The following CREG1 variants were observed in gnomAD, a reference collection of about 807,000 sequenced individuals.
CREG1 encodes the protein protein CREG1.
In CREG1, 20 loss-of-function variants were observed where a neutral mutation model predicts 19.9. That is an observed-to-expected ratio of 1.01 (90% CI 0.71 to 1.46). The LOEUF (loss-of-function observed/expected upper bound fraction) is 1.46, where lower values mean the gene tolerates loss of function less well. CREG1 is among the 40% of genes most tolerant of loss of function. CREG1 has a pLI of 0.00. For missense variants in CREG1, 290 were observed against 314.9 expected (o/e 0.92, Z 0.60); for synonymous variants, 141 against 143.3 (o/e 0.98, Z 0.12).
chr1:167,553,252 C>T, intron 1 of CREG1, 136 bp downstream of exon 1: 1 of 685,352 alleles, frequency 1.5e-6, no homozygotes, highest in Non-Finnish European at 2.2e-6. Flanking sequence ...GCCCACCTAC[C>T]TGCCTGCGCG....
chr1:167,544,024 AC>A (rs1385718261), intron 3 of CREG1, among the ~76,000 whole-genome samples: 1 of 152,236 alleles, frequency 6.6e-6, no homozygotes, highest in African/African-American at 2.4e-5. Context: ...GTGAAAGTAA[AC>A]TTTAACTTCG....
chr1:167,553,666 C>T lies in CREG1; in HGVS notation c.76G>A (p.Val26Met), dbSNP rs1031093471. 1.3e-5 allele frequency: 18 copies of T among 1,339,934 alleles called. No homozygotes were observed. The highest frequency in any genetic ancestry group is 1.2e-4 in the Admixed American group (3 of 25,950). 83.0% of individuals were successfully genotyped at this position (1,339,934 alleles called of 1,614,324 possible). A position where few individuals can be genotyped will look rare whatever the true frequency, so the allele number is the denominator to read the frequency against. Residue 26 changes from valine to methionine, a missense_variant, in exon 1 of 4, where the codon GTG (valine) becomes ATG (methionine). Transcript: ENST00000370509. ...CCGCCGCGACCCCGCGCGGGCGACA[C>T]GAGCAGCGCCAACAGCGTCGACGCC... ...LLASTLLALL[V>M]SPARGRGGRD... is the part of the protein sequence containing the mutation.
chr1:167,552,942 T>C (rs865918544), intron 1 of CREG1, among the ~76,000 whole-genome samples: 1 of 150,784 alleles, frequency 6.6e-6, no homozygotes, highest in African/African-American at 2.4e-5. Context: ...AGCTACTCGG[T>C]AGGCTGAGGC....
chr1:167,546,868 A>G (rs1269764359), intron 2 of CREG1, among the ~76,000 whole-genome samples: 1 of 152,288 alleles, frequency 6.6e-6, no homozygotes, highest in East Asian at 1.9e-4. Context: ...AGCTATTAGA[A>G]TAACTAGCAC....
chr1:167,549,444 G>A (rs941029180), intron 1 of CREG1, among the ~76,000 whole-genome samples: 1 of 151,200 alleles, frequency 6.6e-6, no homozygotes, highest in African/African-American at 2.4e-5. Context: ...GAGTGCAGTG[G>A]TGCGATCTCA....
rs1656457602 is a variant in CREG1, at chr1:167,553,418, G to A, written c.324C>T (p.Ser108=). 5 of 1,459,408 alleles carry A rather than the reference G, an allele frequency of 3.4e-6. No individual in the cohort carries two copies. 90.4% of individuals were successfully genotyped at this position (1,459,408 alleles called of 1,614,324 possible). ...GGTTGCTCACGGAGAGCTGCAGCGG[G>A]CTCAGGTAGAAATAGGGCACGCCGC... is the stretch of plus-strand genomic sequence containing the variant. ...AGSGVPYFYL[S]PLQLSVSNLQ... Residue 108 remains serine (S), a synonymous_variant, in exon 1 of 4, where the codon AGC becomes AGT. Transcript: ENST00000370509.
In CREG1 at chr1:167,553,570, C is replaced by G. The variant is rs925106797; in HGVS notation, c.172G>C (p.Val58Leu). 2.6e-5 allele frequency: 38 copies of G among 1,447,064 alleles called. No individual in the cohort carries two copies. The highest frequency in any genetic ancestry group is 3.3e-5 in the Non-Finnish European group (36 of 1,105,152). The allele number at this position is 1,447,064 out of a possible 1,614,324, so 89.6% of individuals were successfully genotyped here. ...GAGACGTGCGTCACGAAGCGGGCCA[C>G]GCGCGCCGCGTCCTCGCGGGGTGGT... ...PLPPREDAAR[V>L]ARFVTHVSDW... The change falls in exon 1 of 4, where the codon GTG becomes CTG. Residue 58 changes from valine (V) to leucine (L), a missense_variant. Physicochemically the swap from Val to Leu is conservative, Grantham distance 32 (BLOSUM62 1). Coordinates refer to ENST00000370509, the MANE Select transcript of CREG1 (RefSeq NM_003851.3).
intron 3 of CREG1, among the ~76,000 whole-genome samples, chr1:167,545,469 T>C (rs1320105125): frequency 6.6e-6 from 1 of 152,188 alleles, no homozygotes; most frequent in Non-Finnish European, 1.5e-5. Flanking sequence ...CACAGATACG[T>C]TCATATCATG....
At chr1:167,546,638 T>C (rs1656331466) in intron 2 of CREG1, among the ~76,000 whole-genome samples, 1 of 150,538 alleles carries the variant, frequency 6.6e-6, no homozygotes, top group African/African-American at 2.4e-5. Context: ...CAAGACTCCA[T>C]CTCAAAAAAA....
chr1:167,542,255 T>G lies in CREG1; in HGVS notation c.*43A>C. On this transcript the variant is annotated 3_prime_UTR_variant, in exon 4 of 4. Transcript: ENST00000370509. ...GCCTTTTAAGTGTGTATGAGCCACT[T>G]TAAGAAACTTCATAAGTGTTGCTAA... 6.3e-7 allele frequency: 1 copy of G among 1,580,474 alleles called. No homozygotes were observed. Among genetic ancestry groups the G allele is most frequent in the Non-Finnish European group, 8.6e-7 (1 of 1,164,772 alleles).
At chr1:167,543,246 C>CA (rs11305702) in intron 3 of CREG1, among the ~76,000 whole-genome samples, 15 of 142,140 alleles carry the variant, frequency 1.1e-4, no homozygotes, top group East Asian at 6.2e-4. Flanking sequence ...GACTCCATCT[C>CA]AAAAAAAAAA....
chr1:167,543,415 T>C (rs766687701), intron 3 of CREG1, among the ~76,000 whole-genome samples: 2 of 152,182 alleles, frequency 1.3e-5, no homozygotes, highest in African/African-American at 2.4e-5. Context: ...AGTGGCAGTC[T>C]CCATCTGTGT....
At chr1:167,553,301 C>G (rs554084190) in intron 1 of CREG1, 87 bp downstream of exon 1, 1 of 1,085,712 alleles carries the variant, frequency 9.2e-7, no homozygotes, top group Non-Finnish European at 1.2e-6. Context: ...GCTCCACTTC[C>G]CGGGAAGAAT....
At chr1:167,551,247 A>C (rs1656418706) in intron 1 of CREG1, among the ~76,000 whole-genome samples, 1 of 152,234 alleles carries the variant, frequency 6.6e-6, no homozygotes, top group Non-Finnish European at 1.5e-5. Flanking sequence ...TCCCAAACCT[A>C]GGTCTTTTTG....
In CREG1 at chr1:167,553,697, G is replaced by T; in HGVS notation, c.45C>A (p.Ala15=). 7.6e-7 allele frequency: 1 copy of T among 1,310,070 alleles called. No individual in the cohort carries two copies. The highest frequency in any genetic ancestry group is 9.7e-7 in the Non-Finnish European group (1 of 1,035,758). 81.2% of individuals were successfully genotyped at this position (1,310,070 alleles called of 1,614,324 possible). Residue 15 remains alanine, a synonymous_variant, in exon 1 of 4, where the codon GCC becomes GCA. Transcript: ENST00000370509. ...SRGSARALLA[A]LLASTLLALL... ...GCGCCAACAGCGTCGACGCCAGCAG[G>T]GCGGCGAGCAGTGCGCGCGCGGACC...
rs868847916 is a variant in CREG1 at position 167,541,168 on chromosome 1, T to C, written c.*1130A>G. 1 of 152,206 alleles carries C rather than the reference T, an allele frequency of 6.6e-6. No homozygotes were observed. Among genetic ancestry groups the C allele is most frequent in the African/African-American group, 2.4e-5 (1 of 41,454 alleles). The allele number at this position is 152,206 out of a possible 1,614,324, so 9.4% of individuals were successfully genotyped here. A position where few individuals can be genotyped will look rare whatever the true frequency, so the allele number is the denominator to read the frequency against. ...CAGACACAATGACTCATATTCAACTTTTCTCTTTAAGGATTCAGTGGCTTG... is the reference window on the plus strand; with the variant it reads ...CAGACACAATGACTCATATTCAACTCTTCTCTTTAAGGATTCAGTGGCTTG... On this transcript the variant is annotated 3_prime_UTR_variant, in exon 4 of 4. Coordinates refer to ENST00000370509, the MANE Select transcript of CREG1 (RefSeq NM_003851.3).
chr1:167,549,815 G>A (rs1656394412), intron 1 of CREG1, among the ~76,000 whole-genome samples: 4 of 152,070 alleles, frequency 2.6e-5, no homozygotes, highest in Admixed American at 2.0e-4. Context: ...CTCCTGAGTA[G>A]CTGGAACTAT....
chr1:167,548,179 A>C (rs868252102), intron 1 of CREG1, 58 bp from the exon 2 acceptor site: 2 of 1,482,146 alleles, frequency 1.3e-6, no homozygotes, highest in Non-Finnish European at 1.9e-6. Context: ...AGAGGTAATA[A>C]ATTTCAAAAG....
intron 3 of CREG1, among the ~76,000 whole-genome samples, chr1:167,542,986 A>G (rs1656251495): frequency 6.6e-6 from 1 of 152,128 alleles, no homozygotes; most frequent in South Asian, 2.1e-4. Flanking sequence ...GGTGGCTCAC[A>G]CCTATAATCC....
Sources: gnomAD v4.1 joint callset for allele counts (sites outside exome capture counted in the v4.1 genomes callset) on GRCh38, gnomAD v4.1.1 for gene constraint, MANE v1.5 for transcripts, NCBI Gene and HGNC (gene_info 2026-07-23, HGNC 2026-07-21) for gene names.